KLHL28: variants seen among roughly 807,000 people sequenced by gnomAD.
KLHL28 encodes kelch like family member 28.
Under a neutral mutation model 48.3 loss-of-function variants are expected in KLHL28, and 22 were observed. That is an observed-to-expected ratio of 0.46 (90% CI 0.33 to 0.65). The LOEUF is 0.65. KLHL28 is among the 30% of genes least tolerant of loss of function. KLHL28 has a pLI of 0.03. For missense variants in KLHL28, 527 were observed against 704.3 expected (o/e 0.75, Z 2.85); for synonymous variants, 243 against 242.4 (o/e 1.00, Z -0.02).
At chr14:44,934,714 A>C (rs914864780) in intron 2 of KLHL28, among the ~76,000 whole-genome samples, 156 bp from the exon 3 acceptor site, 2 of 152,228 alleles carry the variant, frequency 1.3e-5, no homozygotes, top group Non-Finnish European at 2.9e-5. Flanking sequence ...AAGTCAGATA[A>C]TAATTGTTGG....
intron 2 of KLHL28, among the ~76,000 whole-genome samples, chr14:44,935,888 G>GTATATATATATATATATATATATATA (rs1594568676): frequency 2.5e-4 from 1 of 3,932 alleles, no homozygotes; most frequent in Admixed American, 3.0e-3. Flanking sequence ...ATATATATGT[G>GTATATATATATATATATATATATATA]TGTATATATA....
At chr14:44,954,900 C>T (rs1884730636) in intron 1 of KLHL28, among the ~76,000 whole-genome samples, 1 of 152,062 alleles carries the variant, frequency 6.6e-6, no homozygotes, top group African/African-American at 2.4e-5. Flanking sequence ...CATACCATTC[C>T]AAATAACTTT....
At chr14:44,938,894 G>C (rs1036854152) in intron 2 of KLHL28, among the ~76,000 whole-genome samples, 1 of 152,120 alleles carries the variant, frequency 6.6e-6, no homozygotes, top group African/African-American at 2.4e-5. Context: ...GTTTTTTGGG[G>C]GTGGCCCCAT....
At chr14:44,951,998 A>G (rs890114781) in intron 1 of KLHL28, among the ~76,000 whole-genome samples, 5 of 152,108 alleles carry the variant, frequency 3.3e-5, no homozygotes, top group Non-Finnish European at 7.4e-5. Context: ...AGCTGGGGCT[A>G]CAGGCACACA....
Position 44,928,802 on chromosome 14 carries a change from ACT to A in KLHL28, c.*224_*225del, listed in dbSNP as rs917043234. 5.5e-6 allele frequency: 2 copies of A among 365,132 alleles called. No homozygotes were observed. Among genetic ancestry groups the A allele is most frequent in the Admixed American group, 4.4e-5 (1 of 22,752 alleles). 22.6% of individuals were successfully genotyped at this position (365,132 alleles called of 1,614,324 possible). The stretch of plus-strand genomic sequence containing the variant: ...GCAGAATTCAATTGGCAAAGTCTTT[ACT>A]TTTTTTTTTTCTCTTTTTTCTTTTT... On this transcript the variant is annotated 3_prime_UTR_variant, in exon 5 of 5. Coordinates refer to ENST00000396128, the MANE Select transcript of KLHL28 (RefSeq NM_017658.5).
rs971198141 is a variant in KLHL28, at chr14:44,925,941, C to T, written c.*3087G>A. ...ACTGATTACATTAATTTCTATTTCCCAGTGCTGCTCTTTTCCAAAATATTT... is the reference window on the plus strand; with the variant it reads ...ACTGATTACATTAATTTCTATTTCCTAGTGCTGCTCTTTTCCAAAATATTT... On this transcript the variant is annotated 3_prime_UTR_variant, in exon 5 of 5. Transcript: ENST00000396128. 6.6e-6 allele frequency: 1 copy of T among 152,146 alleles called. No homozygotes were observed. The highest frequency in any genetic ancestry group is 1.5e-5 in the Non-Finnish European group (1 of 67,990). The allele number at this position is 152,146 out of a possible 1,614,324, so 9.4% of individuals were successfully genotyped here.
chr14:44,937,481 G>C (rs1001499293), intron 2 of KLHL28, among the ~76,000 whole-genome samples: 2 of 152,138 alleles, frequency 1.3e-5, no homozygotes, highest in African/African-American at 4.8e-5. Context: ...GTTGATGTCA[G>C]AGAATTGGAA....
Position 44,945,495 on chromosome 14 carries a change from T to G in KLHL28, c.434A>C (p.Glu145Ala). 6.2e-7 allele frequency: 1 copy of G among 1,614,208 alleles called. No individual in the cohort carries two copies. The highest frequency in any genetic ancestry group is 8.5e-7 in the Non-Finnish European group (1 of 1,180,034). ...GNCIGISRFA[E>A]TYGCRDLYLA... ...ATAAAGGTCACGGCAACCATATGTTTCTGCAAAACGAGAAATTCCAATACA... is the reference window on the plus strand; with the variant it reads ...ATAAAGGTCACGGCAACCATATGTTGCTGCAAAACGAGAAATTCCAATACA... Residue 145 changes from glutamate (E) to alanine (A), a missense_variant, in exon 2 of 5, where the codon GAA (glutamate) becomes GCA (alanine). By Grantham distance (107) the Glu-to-Ala change is moderately radical. Transcript: ENST00000396128.
chr14:44,945,564 T>C lies in KLHL28; in HGVS notation c.365A>G (p.Lys122Arg). ...GCTTTCAAGAAATGCACAACATTCT[T>C]TCAGGACAAGTTTTATCTGGAGTAG... Reference protein sequence around the residue: ...ANLLQIKLVLKECCAFLESQL... With the variant: ...ANLLQIKLVLRECCAFLESQL... The change falls in exon 2 of 5, where the codon AAA becomes AGA. Residue 122 changes from lysine to arginine, a missense_variant. Lys to Arg is a conservative substitution (Grantham distance 26, BLOSUM62 2). Transcript: ENST00000396128. The C allele has an allele frequency of 6.2e-7, 1 of 1,614,196 alleles. No homozygotes were observed. Among genetic ancestry groups the C allele is most frequent in the Non-Finnish European group, 8.5e-7 (1 of 1,180,036 alleles).
chr14:44,934,215 G>T lies in KLHL28; in HGVS notation c.1243C>A (p.Pro415Thr). 6.2e-7 allele frequency: 1 copy of T among 1,614,070 alleles called. No homozygotes were observed. Among genetic ancestry groups the T allele is most frequent in the Non-Finnish European group, 8.5e-7 (1 of 1,179,994 alleles). The change falls in exon 3 of 5, where the codon CCT becomes ACT. Residue 415 changes from proline to threonine, a missense_variant. Pro to Thr is a conservative substitution (Grantham distance 38, BLOSUM62 -1). Coordinates refer to ENST00000396128, the MANE Select transcript of KLHL28 (RefSeq NM_017658.5). ...KYIPKIRKWQ[P>T]VAPMTTTRSC... ...CTTGTTGTCGTCATTGGTGCCACAG[G>T]TTGCCATTTTCTTATTTTGGGAATG...
At chr14:44,957,539 A>ATTTATAATTGTTATCACTTCTCAT (rs1308384032) in intron 1 of KLHL28, among the ~76,000 whole-genome samples, 3 of 152,224 alleles carry the variant, frequency 2.0e-5, no homozygotes, top group Non-Finnish European at 4.4e-5. Context: ...TACTGAATCA[A>ATTTATAATTGTTATCACTTCTCAT]TTTATAATTG....
Position 44,928,369 on chromosome 14 carries a change from T to C in KLHL28, c.*659A>G, listed in dbSNP as rs1883443694. 6.6e-6 allele frequency: 1 copy of C among 152,114 alleles called. No individual in the cohort carries two copies. The highest frequency in any genetic ancestry group is 1.5e-5 in the Non-Finnish European group (1 of 68,022). The allele number at this position is 152,114 out of a possible 1,614,324, so 9.4% of individuals were successfully genotyped here. A position where few individuals can be genotyped will look rare whatever the true frequency, so the allele number is the denominator to read the frequency against. On this transcript the variant is annotated 3_prime_UTR_variant, in exon 5 of 5. Coordinates refer to ENST00000396128, the MANE Select transcript of KLHL28 (RefSeq NM_017658.5). ...ATATACAAAAGGCATAAACAGTAAA[T>C]ATCTGATTTCCTAAAATAGGGCCCC...
rs775874256 is a variant in KLHL28 at position 44,931,496 on chromosome 14, T to C, written c.1389A>G (p.Ala463=). The C allele has an allele frequency of 3.1e-6, 5 of 1,613,978 alleles. No homozygotes were observed. Residue 463 remains alanine, a synonymous_variant, in exon 4 of 5, where the codon GCA becomes GCG. Coordinates refer to ENST00000396128, the MANE Select transcript of KLHL28 (RefSeq NM_017658.5). ...AGTGAATCCTTTTATCTGCCATGGA[T>C]GCAACCATCTCCCAGGAGTCCTTAC... ...DPSKDSWEMV[A]SMADKRIHFG...
At chr14:44,931,241 C>A in intron 4 of KLHL28, 92 bp downstream of exon 4, 67 of 607,466 alleles carry the variant, frequency 1.1e-4, no homozygotes, top group Middle Eastern at 4.5e-4. Flanking sequence ...AAGTAATATT[C>A]CTACTGCTAT....
In KLHL28 at chr14:44,945,422, C is replaced by A; in HGVS notation, c.507G>T (p.Gln169His). Residue 169 changes from glutamine (Q) to histidine (H), a missense_variant, in exon 2 of 5, where the codon CAG becomes CAT. Physicochemically the swap from Gln to His is conservative, Grantham distance 24. Coordinates refer to ENST00000396128, the MANE Select transcript of KLHL28 (RefSeq NM_017658.5). ...YICQNFEAVC[Q>H]TEEFFELTHA... Reference sequence around the variant, plus strand: ...GTGTAAGCTCAAAAAACTCTTCAGTCTGGCAAACAGCTTCAAAATTCTGGC... The same window carrying A: ...GTGTAAGCTCAAAAAACTCTTCAGTATGGCAAACAGCTTCAAAATTCTGGC... 2 of 1,614,154 alleles carry A rather than the reference C, an allele frequency of 1.2e-6. No homozygotes were observed. The highest frequency in any genetic ancestry group is 2.7e-5 in the African/African-American group (2 of 75,052).
At chr14:44,943,285 A>T (rs565386539) in intron 2 of KLHL28, among the ~76,000 whole-genome samples, 1 of 152,344 alleles carries the variant, frequency 6.6e-6, no homozygotes, top group South Asian at 2.1e-4. Context: ...AGAGTTAAAC[A>T]ATCAATTCGT....
At chr14:44,932,481 C>T (rs1463378170) in intron 3 of KLHL28, among the ~76,000 whole-genome samples, 1 of 152,130 alleles carries the variant, frequency 6.6e-6, no homozygotes, top group Non-Finnish European at 1.5e-5. Flanking sequence ...AAAGGCTTCC[C>T]TAGAAAATTC....
At chr14:44,936,432 G>C (rs1038439838) in intron 2 of KLHL28, among the ~76,000 whole-genome samples, 2 of 152,180 alleles carry the variant, frequency 1.3e-5, no homozygotes, top group Non-Finnish European at 2.9e-5. Context: ...AGAGGTGGAA[G>C]GGTTGGTCTT....
rs575948067 is a variant in KLHL28 at position 44,924,513 on chromosome 14, G to A, written c.*4515C>T. The A allele has an allele frequency of 1.3e-5, 2 of 152,636 alleles. No homozygotes were observed. The highest frequency in any genetic ancestry group is 3.9e-4 in the East Asian group (2 of 5,186). The allele number at this position is 152,636 out of a possible 1,614,324, so 9.5% of individuals were successfully genotyped here. A position where few individuals can be genotyped will look rare whatever the true frequency, so the allele number is the denominator to read the frequency against. On this transcript the variant is annotated 3_prime_UTR_variant, in exon 5 of 5. Transcript: ENST00000396128. ...AAACCCTGATGCTAAAAAGGTACAT[G>A]TTCAGAGGTAAAATACATATACAAA...
Sources: allele counts gnomAD v4.1 joint callset (sites outside exome capture counted in the v4.1 genomes callset), GRCh38; gene constraint gnomAD v4.1.1; transcripts MANE v1.5; gene names NCBI Gene and HGNC (gene_info 2026-07-23, HGNC 2026-07-21).